The following TRDN variants were observed in gnomAD, a reference collection of about 807,000 sequenced individuals.
The protein encoded by TRDN is triadin in skeletal muscle.
Under a neutral mutation model 149.7 loss-of-function variants are expected in TRDN, and 161 were observed. The observed-to-expected ratio is 1.08, with a 90% CI of 0.95 to 1.23. The LOEUF is 1.23. TRDN is among the 50% of genes most tolerant of loss of function. The pLI, the probability that TRDN is intolerant of heterozygous loss-of-function variation, is 0.00. For synonymous variants in TRDN, 294 were observed against 250.5 expected (o/e 1.17, Z -1.64); for missense variants, 896 against 823.5 (o/e 1.09, Z -1.08).
At chr6:123,542,058 C>T (rs1003092537) in intron 4 of TRDN, among the ~76,000 whole-genome samples, 3 of 152,164 alleles carry the variant, frequency 2.0e-5, no homozygotes, top group African/African-American at 7.2e-5. Context: ...AACGAAAGAA[C>T]TGAGTTAAAA....
intron 9 of TRDN, among the ~76,000 whole-genome samples, chr6:123,465,332 G>A (rs1190280320): frequency 6.6e-6 from 1 of 151,966 alleles, no homozygotes; most frequent in Admixed American, 6.6e-5. Context: ...AATCTCAGAA[G>A]CTGAGGGGGA....
chr6:123,544,653 A>G (rs1781028128), intron 4 of TRDN, among the ~76,000 whole-genome samples: 1 of 152,068 alleles, frequency 6.6e-6, no homozygotes, highest in Non-Finnish European at 1.5e-5. Context: ...TCATACTTAT[A>G]ATTTTTAGAC....
At chr6:123,452,781 C>A (rs1775862887) in intron 10 of TRDN, among the ~76,000 whole-genome samples, 1 of 151,976 alleles carries the variant, frequency 6.6e-6, no homozygotes, top group Non-Finnish European at 1.5e-5. Flanking sequence ...CACAAAAGAG[C>A]CCACATAACC....
chr6:123,531,291 A>C (rs1275545855), intron 4 of TRDN, among the ~76,000 whole-genome samples: 2 of 152,030 alleles, frequency 1.3e-5, no homozygotes, highest in Non-Finnish European at 2.9e-5. Flanking sequence ...AAAGTGACTT[A>C]ATCTTAAATA....
rs185981779 is a variant in TRDN at position 123,606,440 on chromosome 6, T to C, written c.22+30314A>G. 4.3e-3 allele frequency among the ~76,000 whole-genome samples: 654 copies of C among 152,224 alleles called. 4 individuals carry two copies. The highest frequency in any genetic ancestry group is 0.014 in the African/African-American group (589 of 41,568). ...AGATTTTGTGTGTGTATGTGTGTGA[T>C]GGACATATGAATATGTCCATCTTAT... On this transcript the variant is annotated intron_variant, in intron 1 of 40. Transcript: ENST00000334268.
intron 1 of TRDN, among the ~76,000 whole-genome samples, chr6:123,582,173 A>G (rs1222223042): frequency 6.6e-6 from 1 of 152,162 alleles, no homozygotes; most frequent in Admixed American, 6.5e-5. Context: ...GACAACTCGA[A>G]ATGGGGGGCA....
intron 5 of TRDN, among the ~76,000 whole-genome samples, chr6:123,520,007 T>C (rs1779600127): frequency 6.6e-6 from 1 of 152,124 alleles, no homozygotes; most frequent in Admixed American, 6.6e-5. Flanking sequence ...TACACATTCA[T>C]TTTAAACCCT....
At chr6:123,574,849 TA>T (rs1562399269) in intron 1 of TRDN, among the ~76,000 whole-genome samples, 14 of 34,186 alleles carry the variant, frequency 4.1e-4, no homozygotes, top group East Asian at 1.1e-3. Flanking sequence ...AACATGAATT[TA>T]TATATACATA....
rs942165518 is a variant in TRDN at position 123,223,942 on chromosome 6, G to A, written c.2014+151C>T. Reference sequence around the variant, plus strand: ...ATTTTCCAAATAATGTTAAAAAGCTGTTTGCTTTAAAAATAAGCCTACCAT... The same window carrying A: ...ATTTTCCAAATAATGTTAAAAAGCTATTTGCTTTAAAAATAAGCCTACCAT... On this transcript the variant is annotated intron_variant, in intron 39 of 40. Transcript: ENST00000334268. 5.1e-6 allele frequency: 3 copies of A among 586,720 alleles called. No individual in the cohort carries two copies. In the South Asian group the frequency reaches 8.1e-5, roughly 16 times the overall value. The allele number at this position is 586,720 out of a possible 1,614,324, so 36.3% of individuals were successfully genotyped here. A position where few individuals can be genotyped will look rare whatever the true frequency, so the allele number is the denominator to read the frequency against.
intron 2 of TRDN, among the ~76,000 whole-genome samples, chr6:123,561,192 C>T (rs1781975579): frequency 6.6e-6 from 1 of 152,166 alleles, no homozygotes; most frequent in African/African-American, 2.4e-5. Context: ...TCTATACAGT[C>T]CGATAGTGGA....
At chr6:123,518,951 C>T (rs1779540881) in intron 5 of TRDN, among the ~76,000 whole-genome samples, 2 of 152,164 alleles carry the variant, frequency 1.3e-5, no homozygotes, top group African/African-American at 4.8e-5. Context: ...TTGGTAATCA[C>T]TCTAAAATAA....
At chr6:123,331,511 A>G (rs377498684) in intron 23 of TRDN, among the ~76,000 whole-genome samples, 12 of 152,204 alleles carry the variant, frequency 7.9e-5, no homozygotes, top group African/African-American at 2.4e-4. Flanking sequence ...AAAAGATTTC[A>G]CTGAGAAATT....
intron 1 of TRDN, among the ~76,000 whole-genome samples, chr6:123,577,105 G>T (rs1782894555): frequency 6.6e-6 from 1 of 152,062 alleles, no homozygotes; most frequent in South Asian, 2.1e-4. Flanking sequence ...TGCTCAGGCT[G>T]CTTTGACAAA....
Position 123,218,611 on chromosome 6 carries a change from T to C in TRDN, c.2180A>G (p.Gln727Arg), listed in dbSNP as rs1775026606. The C allele has an allele frequency of 3.7e-6, 6 of 1,611,400 alleles. No individual in the cohort carries two copies. Among genetic ancestry groups the C allele is most frequent in the Non-Finnish European group, 5.1e-6 (6 of 1,178,486 alleles). The part of the protein sequence containing the change: ...GQANSPGQKQ[Q>R]GQ ...GTCATACATGTGTGTTTACTGTCCTTGTTGCTTCTGTCCTGGAGAATTTGC... is the reference window on the plus strand; with the variant it reads ...GTCATACATGTGTGTTTACTGTCCTCGTTGCTTCTGTCCTGGAGAATTTGC... The change falls in exon 41 of 41, where the codon CAA becomes CGA. Residue 727 changes from glutamine (Q) to arginine (R), a missense_variant. Coordinates refer to ENST00000334268, the MANE Select transcript of TRDN (RefSeq NM_006073.4).
intron 38 of TRDN, among the ~76,000 whole-genome samples, chr6:123,243,357 AG>A (rs1776059209): frequency 6.6e-6 from 1 of 152,186 alleles, no homozygotes; most frequent in South Asian, 2.1e-4. Flanking sequence ...TAGCAACATA[AG>A]GATATGGAAA....
intron 38 of TRDN, among the ~76,000 whole-genome samples, chr6:123,233,170 ACTTTCTAAGAGT>A (rs1323522487): frequency 2.0e-5 from 3 of 152,108 alleles, no homozygotes; most frequent in Admixed American, 1.3e-4. Flanking sequence ...ACAGAATATT[ACTTTCTAAGAGT>A]TCACATTTTC....
chr6:123,574,069 C>T (rs1426824385), intron 1 of TRDN, among the ~76,000 whole-genome samples: 1 of 151,910 alleles, frequency 6.6e-6, no homozygotes, highest in Non-Finnish European at 1.5e-5. Flanking sequence ...CACATACTAA[C>T]AGGTGGTAAC....
chr6:123,528,639 C>T (rs1304107906), intron 5 of TRDN: 1 of 985,810 alleles, frequency 1.0e-6, no homozygotes, highest in African/African-American at 1.7e-5. Flanking sequence ...TGACATGGAA[C>T]ATGGCATACA....
intron 12 of TRDN, among the ~76,000 whole-genome samples, chr6:123,418,843 C>CT (rs910897491): frequency 4.6e-5 from 7 of 152,074 alleles, no homozygotes; most frequent in African/African-American, 9.7e-5. Context: ...CTCATGGCTG[C>CT]TTTTTTTATG....
Sources: allele counts gnomAD v4.1 joint callset (sites outside exome capture counted in the v4.1 genomes callset), GRCh38; gene constraint gnomAD v4.1.1; transcripts MANE v1.5; gene names NCBI Gene and HGNC (gene_info 2026-07-23, HGNC 2026-07-21).